Variants in GID4 observed in about 807,000 individuals in gnomAD.
The protein encoded by GID4 is GID complex subunit 4 homolog.
In GID4, 7 loss-of-function variants were observed where a neutral mutation model predicts 32.4. The ratio of observed to expected loss-of-function variants is 0.22; its 90% CI spans 0.12 to 0.41. The LOEUF (loss-of-function observed/expected upper bound fraction) is 0.41, where lower values mean the gene tolerates loss of function less well. GID4 is among the 10% of genes least tolerant of loss of function. GID4 has a pLI of 1.00. For missense variants in GID4, 309 were observed against 400.0 expected (o/e 0.77, Z 1.94); for synonymous variants, 166 against 170.0 (o/e 0.98, Z 0.18).
chr17:18,065,162 G>C lies in GID4; in HGVS notation c.840-18G>C. The C allele has an allele frequency of 1.2e-6, 2 of 1,607,362 alleles. No individual in the cohort carries two copies. The highest frequency in any genetic ancestry group is 8.5e-7 in the Non-Finnish European group (1 of 1,173,922). ...CATTAGATGACTACCTCCCGTTTCT[G>C]TCTCCTCCCCCTTGCAGGTATCAGT... On this transcript the variant is annotated intron_variant, in intron 5 of 5. Coordinates refer to ENST00000268719, the MANE Select transcript of GID4 (RefSeq NM_024052.5).
chr17:18,057,967 G>A (rs1180171975), intron 3 of GID4, among the ~76,000 whole-genome samples: 1 of 151,068 alleles, frequency 6.6e-6, no homozygotes, highest in Non-Finnish European at 1.5e-5. Context: ...CAAGTAGCTG[G>A]GACTACAGGC....
rs757271986 is a variant in GID4 at position 18,058,860 on chromosome 17, G to C, written c.607-8G>C. On this transcript the variant is annotated splice_polypyrimidine_tract_variant and splice_region_variant and intron_variant, in intron 3 of 5. Coordinates refer to ENST00000268719, the MANE Select transcript of GID4 (RefSeq NM_024052.5). Reference sequence around the variant, plus strand: ...AGTCAATCGGCACACTCTCTTTTCTGCTTTCAGGGCAAGTTTCTGGCTTTT... The same window carrying C: ...AGTCAATCGGCACACTCTCTTTTCTCCTTTCAGGGCAAGTTTCTGGCTTTT... 2.4e-5 allele frequency: 38 copies of C among 1,573,862 alleles called. No homozygotes were observed. The highest frequency in any genetic ancestry group is 3.1e-5 in the Non-Finnish European group (35 of 1,143,830).
chr17:18,058,091 C>T (rs1471799075), intron 3 of GID4, among the ~76,000 whole-genome samples: 1 of 152,186 alleles, frequency 6.6e-6, no homozygotes, highest in Non-Finnish European at 1.5e-5. Flanking sequence ...CCTTGGCCTC[C>T]CCAAGTGCTG....
intron 4 of GID4, among the ~76,000 whole-genome samples, chr17:18,059,489 C>T (rs1326293620): frequency 6.6e-6 from 1 of 152,088 alleles, no homozygotes; most frequent in African/African-American, 2.4e-5. Context: ...AATGAGGGAC[C>T]GGGAATGGAA....
In GID4 at chr17:18,039,743, G is replaced by A; in HGVS notation, c.279G>A (p.Pro93=). The A allele has an allele frequency of 6.5e-7, 1 of 1,544,580 alleles. No individual in the cohort carries two copies. Among genetic ancestry groups the A allele is most frequent in the Non-Finnish European group, 8.7e-7 (1 of 1,147,640 alleles). Residue 93 remains proline (P), a synonymous_variant, in exon 1 of 6, where the codon CCG becomes CCA. Transcript: ENST00000268719. The surrounding 1 kb of genome is among the most constrained non-coding windows in gnomAD (Gnocchi z 5.3). The part of the protein sequence containing the change: ...AMPVRTECPP[P]AGASAASAAS... ...CGGTCCGCACCGAGTGTCCCCCGCCGGCCGGTGCCTCCGCTGCCTCCGCGG... is the reference window on the plus strand; with the variant it reads ...CGGTCCGCACCGAGTGTCCCCCGCCAGCCGGTGCCTCCGCTGCCTCCGCGG...
intron 1 of GID4, among the ~76,000 whole-genome samples, chr17:18,044,902 A>G (rs1183808290): frequency 1.3e-5 from 2 of 152,228 alleles, no homozygotes; most frequent in African/African-American, 4.8e-5. Context: ...CATTTCAGAA[A>G]GACACTTCAG....
Position 18,039,555 on chromosome 17 carries a change from C to T in GID4, c.91C>T (p.Arg31Cys), listed in dbSNP as rs1187074288. ...QVPGSRWRPE[R>C]LLRRQRAGGR... Reference sequence around the variant, plus strand: ...CCCTGGGTCCCGGTGGCGGCCGGAGCGCTTGCTCCGCAGGCAGCGGGCGGG... The same window carrying T: ...CCCTGGGTCCCGGTGGCGGCCGGAGTGCTTGCTCCGCAGGCAGCGGGCGGG... Residue 31 changes from arginine (R) to cysteine (C), a missense_variant, in exon 1 of 6, where the codon CGC becomes TGC. By Grantham distance (180) the Arg-to-Cys change is radical (BLOSUM62 -3). This residue lies in a region of GID4 where 193 missense variants were observed against 185.8 expected (regional missense o/e 1.04). Transcript: ENST00000268719. This position sits in a 1 kb window ranked among gnomAD's most constrained non-coding sequence, Gnocchi z 5.3. 7.7e-7 allele frequency: 1 copy of T among 1,305,098 alleles called. No homozygotes were observed. Among genetic ancestry groups the T allele is most frequent in the Non-Finnish European group, 9.7e-7 (1 of 1,031,238 alleles). 80.8% of individuals were successfully genotyped at this position (1,305,098 alleles called of 1,614,324 possible).
intron 1 of GID4, among the ~76,000 whole-genome samples, chr17:18,042,375 T>C (rs2044811437): frequency 6.6e-6 from 1 of 152,272 alleles, no homozygotes; most frequent in South Asian, 2.1e-4. Flanking sequence ...TTGTCTATTC[T>C]GGACATTTCA....
In GID4 at chr17:18,066,756, TC is replaced by T. The variant is rs1280148962; in HGVS notation, c.*1514del. The T allele has an allele frequency of 6.6e-6, 1 of 152,192 alleles. No individual in the cohort carries two copies. Among genetic ancestry groups the T allele is most frequent in the Non-Finnish European group, 1.5e-5 (1 of 68,042 alleles). 9.4% of individuals were successfully genotyped at this position (152,192 alleles called of 1,614,324 possible). A position where few individuals can be genotyped will look rare whatever the true frequency, so the allele number is the denominator to read the frequency against. ...ACGAGCAATGGGAAACCTTTTCTGTTCTTAAGAAGTGACTTTAATTTTATTG... is the reference window on the plus strand; with the variant it reads ...ACGAGCAATGGGAAACCTTTTCTGTTTTAAGAAGTGACTTTAATTTTATTG... On this transcript the variant is annotated 3_prime_UTR_variant, in exon 6 of 6. Transcript: ENST00000268719.
chr17:18,057,927 G>A (rs1455900910), intron 3 of GID4, among the ~76,000 whole-genome samples: 5 of 151,680 alleles, frequency 3.3e-5, no homozygotes, highest in Admixed American at 1.3e-4. Flanking sequence ...TCCGCCTCCC[G>A]GGTTCACGCC....
At chr17:18,054,898 G>A (rs927300760) in intron 3 of GID4, among the ~76,000 whole-genome samples, 2 of 152,058 alleles carry the variant, frequency 1.3e-5, no homozygotes, top group African/African-American at 2.4e-5. Flanking sequence ...TCGGCTGGGC[G>A]CGTTGGCTTG....
chr17:18,053,194 G>A (rs2044931000), intron 2 of GID4, among the ~76,000 whole-genome samples: 2 of 149,328 alleles, frequency 1.3e-5, no homozygotes, highest in East Asian at 3.9e-4. Context: ...TGTATTTTTA[G>A]TAGAGATGAG....
In GID4 at chr17:18,061,794, TG is replaced by T. The variant is rs1254494042; in HGVS notation, c.709-48del. On this transcript the variant is annotated intron_variant, in intron 4 of 5. Transcript: ENST00000268719. The surrounding 1 kb of genome is among the most constrained non-coding windows in gnomAD (Gnocchi z 4.4). The stretch of plus-strand genomic sequence containing the variant: ...CCTGATGCTTAACAGGGAGGCCCCG[TG>T]GGTGGTCAGAGAATGCTATCTGTTA... 6 of 1,599,618 alleles carry T rather than the reference TG, an allele frequency of 3.8e-6. No individual in the cohort carries two copies. Among genetic ancestry groups the T allele is most frequent in the Non-Finnish European group, 5.1e-6 (6 of 1,167,984 alleles).
chr17:18,044,437 T>C (rs2044832995), intron 1 of GID4, among the ~76,000 whole-genome samples: 1 of 152,180 alleles, frequency 6.6e-6, no homozygotes, highest in Non-Finnish European at 1.5e-5. Context: ...CTGCTAAACC[T>C]CAAAGTCTAC....
intron 1 of GID4, among the ~76,000 whole-genome samples, chr17:18,041,272 C>A (rs1320311737): frequency 6.6e-6 from 1 of 152,124 alleles, no homozygotes. Flanking sequence ...TCCTTTTGGT[C>A]ATTTAAAACA....
chr17:18,042,482 T>A (rs561441236), intron 1 of GID4, among the ~76,000 whole-genome samples: 1 of 152,260 alleles, frequency 6.6e-6, no homozygotes. Flanking sequence ...TCAGCACTTA[T>A]ATTCCTTTTT....
chr17:18,045,035 C>G (rs1161436725), intron 1 of GID4, 112 bp from the exon 2 acceptor site: 5 of 749,578 alleles, frequency 6.7e-6, no homozygotes, highest in South Asian at 4.9e-5. Context: ...TTGGACTGCC[C>G]TGGGTGTTCA....
At chr17:18,057,461 G>T in intron 3 of GID4, 1 of 154,990 alleles carries the variant, frequency 6.5e-6, no homozygotes, top group Non-Finnish European at 1.4e-5. Context: ...AAATCTATGT[G>T]ACAAAATCTA....
intron 2 of GID4, among the ~76,000 whole-genome samples, chr17:18,048,255 G>C (rs890375461): frequency 1.2e-4 from 18 of 151,870 alleles, no homozygotes; most frequent in Non-Finnish European, 2.9e-5. Context: ...GAGTGCAGTG[G>C]TGTGATCTCA....
Sources: gnomAD v4.1 joint callset for allele counts (sites outside exome capture counted in the v4.1 genomes callset) on GRCh38, gnomAD v4.1.1 for gene constraint, gnomAD v4.1.1 regional missense constraint, Gnocchi (gnomAD v3.1) non-coding constraint, MANE v1.5 for transcripts, NCBI Gene and HGNC (gene_info 2026-07-23, HGNC 2026-07-21) for gene names.